BICD2: variants seen among roughly 807,000 people sequenced by gnomAD.
BICD2 encodes BICD cargo adaptor 2.
In BICD2, 25 loss-of-function variants were observed where a neutral mutation model predicts 72.9. The observed-to-expected ratio is 0.34, with a 90% CI of 0.25 to 0.48. The LOEUF (loss-of-function observed/expected upper bound fraction) is 0.48. BICD2 is among the 20% of genes least tolerant of loss of function. The pLI, the probability that BICD2 is intolerant of heterozygous loss-of-function variation, is 0.99. For missense variants in BICD2, 894 were observed against 1,175.2 expected, an observed-to-expected ratio of 0.76 and a Z score of 3.50; for synonymous variants, 501 against 516.1, an observed-to-expected ratio of 0.97 and a Z score of 0.40.
intron 1 of BICD2, among the ~76,000 whole-genome samples, chr9:92,737,161 G>A (rs1380335247): frequency 2.0e-5 from 3 of 152,188 alleles, no homozygotes; most frequent in South Asian, 2.1e-4. Flanking sequence ...TGTGGTGGGC[G>A]CCAATCACAA....
In BICD2 at chr9:92,718,665, C is replaced by T; in HGVS notation, c.1980G>A (p.Glu660=). 2 of 1,614,102 alleles carry T rather than the reference C, an allele frequency of 1.2e-6. No individual in the cohort carries two copies. The highest frequency in any genetic ancestry group is 2.2e-5 in the South Asian group (2 of 91,088). Residue 660 remains glutamate (E), a synonymous_variant, in exon 5 of 7, where the codon GAG becomes GAA. Transcript: ENST00000356884. ...TGTCCTTGTCCACGGCGGGGCCCAGCTCCTGAGAGGCAATGCGCTGGCGTG... is the reference window on the plus strand; with the variant it reads ...TGTCCTTGTCCACGGCGGGGCCCAGTTCCTGAGAGGCAATGCGCTGGCGTG... ...ELSRQRIASQ[E]LGPAVDKDKE...
chr9:92,763,459 G>T (rs1854413385), intron 1 of BICD2, among the ~76,000 whole-genome samples: 2 of 152,054 alleles, frequency 1.3e-5, no homozygotes, highest in African/African-American at 2.4e-5. Context: ...TTCTGGGCAC[G>T]CAGTACTGCA....
chr9:92,728,624 G>A (rs1014223988), intron 2 of BICD2, among the ~76,000 whole-genome samples: 1 of 152,248 alleles, frequency 6.6e-6, no homozygotes, highest in Non-Finnish European at 1.5e-5. Context: ...TGGGCACAGT[G>A]CAGGCCCTGA....
At position 92,729,284 on chromosome 9, in the gene BICD2, C is replaced by T. The variant is rs766622010; in HGVS notation, c.241-48G>A. ...CGTGAGGTGGGCCTCCCAGGGGCGC[C>T]GAAGGATAGAGACCCAGCTCACAGG... is the stretch of plus-strand genomic sequence containing the variant. On this transcript the variant is annotated intron_variant, in intron 1 of 6. Coordinates refer to ENST00000356884, the MANE Select transcript of BICD2 (RefSeq NM_001003800.2). The T allele has an allele frequency of 5.0e-6, 8 of 1,595,810 alleles. No homozygotes were observed. The African/African-American group carries it at 6.7e-5, about 13-fold the overall frequency.
At chr9:92,756,062 A>G (rs951082678) in intron 1 of BICD2, among the ~76,000 whole-genome samples, 2 of 152,214 alleles carry the variant, frequency 1.3e-5, no homozygotes, top group African/African-American at 2.4e-5. Context: ...CCTCAATGGT[A>G]GGACAGTGAC....
At position 92,736,716 on chromosome 9, in the gene BICD2, C is replaced by T. The variant is rs116425562; in HGVS notation, c.241-7480G>A. On this transcript the variant is annotated intron_variant, in intron 1 of 6. Transcript: ENST00000356884. The stretch of plus-strand genomic sequence containing the variant: ...CCTCTCTTGGGATCTGGATCAGCAC[C>T]ACTTTCCAGTAATATCTTCAGCTGC... Among the ~76,000 whole-genome samples, 310 of 152,324 alleles carry T rather than the reference C, an allele frequency of 2.0e-3. 2 individuals are homozygous for T. Among genetic ancestry groups the T allele is most frequent in the African/African-American group, 7.0e-3 (293 of 41,568 alleles).
chr9:92,721,177 A>T (rs1215779641), intron 3 of BICD2, among the ~76,000 whole-genome samples: 2 of 152,254 alleles, frequency 1.3e-5, no homozygotes, highest in African/African-American at 4.8e-5. Context: ...CATGCTGATT[A>T]AAAATTCTAT....
At chr9:92,734,022 A>G (rs1055695356) in intron 1 of BICD2, among the ~76,000 whole-genome samples, 1 of 152,226 alleles carries the variant, frequency 6.6e-6, no homozygotes, top group Non-Finnish European at 1.5e-5. Flanking sequence ...GGAGAAAGAT[A>G]AACAGTGACT....
intron 1 of BICD2, among the ~76,000 whole-genome samples, chr9:92,747,796 G>A (rs1481844510): frequency 6.6e-6 from 1 of 152,184 alleles, no homozygotes; most frequent in East Asian, 1.9e-4. Context: ...CTTGGTGAGT[G>A]CAGGAACGGA....
intron 1 of BICD2, among the ~76,000 whole-genome samples, chr9:92,747,532 C>G (rs1405009870): frequency 6.6e-6 from 1 of 152,164 alleles, no homozygotes; most frequent in Non-Finnish European, 1.5e-5. Context: ...GGGCCAGACT[C>G]ACCGGGCAGG....
chr9:92,724,066 T>TA (rs1261752920), intron 2 of BICD2, among the ~76,000 whole-genome samples: 1 of 152,164 alleles, frequency 6.6e-6, no homozygotes, highest in Non-Finnish European at 1.5e-5. Flanking sequence ...CCCCTCCCTG[T>TA]ACTCTGCTGA....
At chr9:92,740,892 G>C (rs1418528168) in intron 1 of BICD2, among the ~76,000 whole-genome samples, 1 of 152,186 alleles carries the variant, frequency 6.6e-6, no homozygotes, top group African/African-American at 2.4e-5. Flanking sequence ...GCACCAGCAG[G>C]CCTGCCTCAC....
chr9:92,719,607 A>C (rs753455050), intron 4 of BICD2, 25 bp from the exon 5 acceptor site: 1 of 1,565,404 alleles, frequency 6.4e-7, no homozygotes, highest in South Asian at 1.2e-5. Flanking sequence ...GCAGCAGGAC[A>C]CCATGTCAGT....
At position 92,759,114 on chromosome 9, in the gene BICD2, C is replaced by T. The variant is rs149702001; in HGVS notation, c.240+5391G>A. 2.9e-3 allele frequency among the ~76,000 whole-genome samples: 449 copies of T among 152,278 alleles called. 2 individuals carry two copies. The highest frequency in any genetic ancestry group is 0.01 in the African/African-American group (425 of 41,552). On this transcript the variant is annotated intron_variant, in intron 1 of 6. Transcript: ENST00000356884. ...GTATAAGTTAGAAGTACCACAGAAC[C>T]TCTGGATCCACAGAAACCTTCCTGT... is the stretch of plus-strand genomic sequence containing the variant.
intron 1 of BICD2, among the ~76,000 whole-genome samples, chr9:92,756,015 G>C (rs1018245028): frequency 6.6e-6 from 1 of 152,224 alleles, no homozygotes; most frequent in South Asian, 2.1e-4. Flanking sequence ...TGCCATGCTA[G>C]TAAGAGTATG....
chr9:92,744,632 G>C (rs937742751), intron 1 of BICD2, among the ~76,000 whole-genome samples: 2 of 152,128 alleles, frequency 1.3e-5, no homozygotes, highest in African/African-American at 4.8e-5. Flanking sequence ...ATGAGGTCAA[G>C]AGATGAAGAC....
At chr9:92,721,596 CG>C (rs1853465795) in intron 3 of BICD2, among the ~76,000 whole-genome samples, 1 of 152,192 alleles carries the variant, frequency 6.6e-6, no homozygotes, top group African/African-American at 2.4e-5. Flanking sequence ...GGTCTTGGGT[CG>C]GAAGGGACAC....
At chr9:92,718,517 C>A (rs1177363467) in intron 5 of BICD2, 22 bp downstream of exon 5, 6 of 1,590,370 alleles carry the variant, frequency 3.8e-6, no homozygotes, top group Non-Finnish European at 4.3e-6. Context: ...GTGACATGTG[C>A]CCCTGCTGCC....
In BICD2 at chr9:92,713,751, C is replaced by A; in HGVS notation, c.*1403G>T. ...TTGCTGGGGCAGGGGGATCTGGGCC[C>A]AGGATGAACACGCAGGGGACATACA... On this transcript the variant is annotated 3_prime_UTR_variant, in exon 7 of 7. Coordinates refer to ENST00000356884, the MANE Select transcript of BICD2 (RefSeq NM_001003800.2). The A allele has an allele frequency of 7.5e-7, 1 of 1,329,286 alleles. No homozygotes were observed. The highest frequency in any genetic ancestry group is 9.7e-7 in the Non-Finnish European group (1 of 1,032,874). The allele number at this position is 1,329,286 out of a possible 1,614,324, so 82.3% of individuals were successfully genotyped here. A position where few individuals can be genotyped will look rare whatever the true frequency, so the allele number is the denominator to read the frequency against.
Sources: gnomAD v4.1 joint callset for allele counts (sites outside exome capture counted in the v4.1 genomes callset) on GRCh38, gnomAD v4.1.1 for gene constraint, MANE v1.5 for transcripts, NCBI Gene and HGNC (gene_info 2026-07-23, HGNC 2026-07-21) for gene names.